The following COPB1 variants were observed in gnomAD, a reference collection of about 807,000 sequenced individuals.
The protein encoded by COPB1 is coatomer subunit beta.
A neutral mutation model predicts 108.7 loss-of-function variants in COPB1; 21 were observed. That is an observed-to-expected ratio of 0.19 (90% CI 0.14 to 0.28). The LOEUF (loss-of-function observed/expected upper bound fraction) is 0.28, where lower values mean the gene tolerates loss of function less well. COPB1 is among the 10% of genes least tolerant of loss of function. COPB1 has a pLI of 1.00. For missense variants in COPB1, 919 were observed against 1,141.3 expected (o/e 0.81, Z 2.81); for synonymous variants, 378 against 386.8 (o/e 0.98, Z 0.27).
intron 18 of COPB1, 135 bp downstream of exon 18, chr11:14,464,776 T>G: frequency 1.1e-6 from 1 of 937,034 alleles, no homozygotes; most frequent in South Asian, 1.7e-5. Flanking sequence ...CAATGCGTGG[T>G]ACCATAGAGA....
At chr11:14,495,876 A>G (rs1302188896) in intron 2 of COPB1, among the ~76,000 whole-genome samples, 1 of 152,190 alleles carries the variant, frequency 6.6e-6, no homozygotes, top group Non-Finnish European at 1.5e-5. Flanking sequence ...ACACTAATGA[A>G]TGTATTCACT....
chr11:14,486,332 T>A, intron 7 of COPB1, 35 bp downstream of exon 7: 1 of 1,611,006 alleles, frequency 6.2e-7, no homozygotes, highest in African/African-American at 1.3e-5. Flanking sequence ...AGAAAATCTA[T>A]CATCTAATCT....
chr11:14,458,379 G>A (rs561549077), intron 21 of COPB1, among the ~76,000 whole-genome samples, 153 bp downstream of exon 21: 3 of 152,074 alleles, frequency 2.0e-5, no homozygotes, highest in Admixed American at 6.6e-5. Flanking sequence ...AAATTTTAAT[G>A]AGAAAAGTTA....
chr11:14,487,528 A>C (rs1220502855), intron 6 of COPB1, among the ~76,000 whole-genome samples: 2 of 152,080 alleles, frequency 1.3e-5, no homozygotes, highest in Non-Finnish European at 2.9e-5. Context: ...TACAAAAATT[A>C]GCTGGATACG....
At chr11:14,477,267 C>A (rs1483535372) in intron 11 of COPB1, among the ~76,000 whole-genome samples, 1 of 151,276 alleles carries the variant, frequency 6.6e-6, no homozygotes, top group Non-Finnish European at 1.5e-5. Context: ...GCCTGTAGTC[C>A]CAGCTACCCG....
At chr11:14,470,672 G>C (rs1850379125) in intron 14 of COPB1, among the ~76,000 whole-genome samples, 1 of 151,924 alleles carries the variant, frequency 6.6e-6, no homozygotes. Flanking sequence ...TGTCCCCCAA[G>C]TTTGGATACT....
chr11:14,475,896 G>A lies in COPB1; in HGVS notation c.1505C>T (p.Pro502Leu), dbSNP rs1236592922. The A allele has an allele frequency of 6.2e-7, 1 of 1,611,968 alleles. No homozygotes were observed. Among genetic ancestry groups the A allele is most frequent in the Admixed American group, 1.7e-5 (1 of 59,680 alleles). ...EIKKEAGELK[P>L]EEEITVGPVQ... ...TGGCCCTACAGTTATTTCTTCTTCA[G>A]GTTTTAATTCACCAGCTTCTTTCTT... The change falls in exon 13 of 22, where the codon CCT (proline) becomes CTT (leucine). Residue 502 changes from proline to leucine, a missense_variant. This residue lies in a region of COPB1 where 705 missense variants were observed against 817.8 expected (regional missense o/e 0.86). Coordinates refer to ENST00000439561, the MANE Select transcript of COPB1 (RefSeq NM_001144061.2).
chr11:14,491,832 T>C (rs1365397681), intron 4 of COPB1, among the ~76,000 whole-genome samples: 6 of 152,256 alleles, frequency 3.9e-5, no homozygotes, highest in Non-Finnish European at 7.3e-5. Flanking sequence ...GCATACATTT[T>C]AAGCATATCA....
At chr11:14,478,758 TC>T (rs986567216) in intron 11 of COPB1, 3 of 151,990 alleles carry the variant, frequency 2.0e-5, no homozygotes, top group African/African-American at 7.2e-5. Context: ...AGCCAACAAT[TC>T]TTTAGTTTAA....
chr11:14,476,235 T>A (rs1361647875), intron 12 of COPB1, among the ~76,000 whole-genome samples: 2 of 152,190 alleles, frequency 1.3e-5, no homozygotes, highest in African/African-American at 4.8e-5. Context: ...TTTTACCTAA[T>A]AGAAAAATGC....
intron 1 of COPB1, chr11:14,499,494 G>A (rs968694896): frequency 2.2e-4 from 34 of 151,846 alleles, no homozygotes; most frequent in African/African-American, 7.0e-4. Flanking sequence ...TACGCCTAGG[G>A]GTCTTGGGAG....
intron 14 of COPB1, among the ~76,000 whole-genome samples, chr11:14,469,899 A>AT (rs1348711886): frequency 6.6e-6 from 1 of 152,168 alleles, no homozygotes; most frequent in East Asian, 1.9e-4. Context: ...TACTTTACCA[A>AT]TTGTTAACAT....
chr11:14,474,744 A>G, intron 13 of COPB1, 129 bp from the exon 14 acceptor site: 1 of 1,303,446 alleles, frequency 7.7e-7, no homozygotes, highest in Non-Finnish European at 1.0e-6. Flanking sequence ...TACCTTAGCT[A>G]ACTAACTCCT....
In COPB1 at chr11:14,457,688, G is replaced by C; in HGVS notation, c.*136C>G. The C allele has an allele frequency of 1.5e-6, 1 of 686,536 alleles. No individual in the cohort carries two copies. The highest frequency in any genetic ancestry group is 2.6e-6 in the Non-Finnish European group (1 of 379,248). The allele number at this position is 686,536 out of a possible 1,614,324, so 42.5% of individuals were successfully genotyped here. A position where few individuals can be genotyped will look rare whatever the true frequency, so the allele number is the denominator to read the frequency against. On this transcript the variant is annotated 3_prime_UTR_variant, in exon 22 of 22. Transcript: ENST00000439561. ...AACTCAATCTTGATTTAAGGGAAAGGCTATAAATTATTGGCTGAAAAGTAT... is the reference window on the plus strand; with the variant it reads ...AACTCAATCTTGATTTAAGGGAAAGCCTATAAATTATTGGCTGAAAAGTAT...
chr11:14,491,708 A>G (rs1347350860), intron 4 of COPB1, among the ~76,000 whole-genome samples: 1 of 152,082 alleles, frequency 6.6e-6, no homozygotes, highest in Non-Finnish European at 1.5e-5. Context: ...AAGGAAACAC[A>G]AAGTTATACC....
intron 4 of COPB1, among the ~76,000 whole-genome samples, chr11:14,492,267 GT>G (rs1402492201): frequency 1.3e-5 from 2 of 152,038 alleles, no homozygotes; most frequent in East Asian, 3.9e-4. Context: ...GTGCACTATA[GT>G]TTAAATTCTG....
In COPB1 at chr11:14,469,312, GTTGCCTCATCATATATACC is replaced by G. The variant is rs1368574873; in HGVS notation, c.1965+5_1965+23del. The G allele has an allele frequency of 6.3e-7, 1 of 1,580,830 alleles. No homozygotes were observed. The highest frequency in any genetic ancestry group is 1.7e-5 in the Admixed American group (1 of 59,946). The stretch of plus-strand genomic sequence containing the variant: ...GCACGAAGAGACACAAAACACTTTT[GTTGCCTCATCATATATACC>G]TTACCTTTTGGGATAATTTCTCTTC... On this transcript the variant is annotated splice_donor_5th_base_variant and intron_variant, in intron 15 of 21. Transcript: ENST00000439561.
intron 8 of COPB1, among the ~76,000 whole-genome samples, chr11:14,481,749 A>C (rs2134115434): frequency 6.6e-6 from 1 of 152,326 alleles, no homozygotes; most frequent in Non-Finnish European, 1.5e-5. Flanking sequence ...ACTCCTGTAT[A>C]TCCTTCACCT....
At chr11:14,485,049 C>T (rs1052394225) in intron 7 of COPB1, among the ~76,000 whole-genome samples, 1 of 152,184 alleles carries the variant, frequency 6.6e-6, no homozygotes, top group Admixed American at 6.5e-5. Flanking sequence ...CTCACTGTTT[C>T]ACCTAGGCTG....
Sources: gnomAD v4.1 joint callset for allele counts (sites outside exome capture counted in the v4.1 genomes callset) on GRCh38, gnomAD v4.1.1 for gene constraint, gnomAD v4.1.1 regional missense constraint, MANE v1.5 for transcripts, NCBI Gene and HGNC (gene_info 2026-07-23, HGNC 2026-07-21) for gene names.